The following RABEP1 variants were observed in gnomAD, a reference collection of about 807,000 sequenced individuals.
RABEP1 encodes the protein rab GTPase-binding effector protein 1.
In RABEP1, 51 loss-of-function variants were observed where a neutral mutation model predicts 123.4. That is an observed-to-expected ratio of 0.41 (90% confidence interval 0.33 to 0.52). RABEP1 has a LOEUF of 0.52. Ranked by LOEUF, RABEP1 falls within the 20% of genes least tolerant of loss-of-function variation. The pLI is 0.16. For synonymous variants in RABEP1, 347 were observed against 355.2 expected, an observed-to-expected ratio of 0.98 and a Z score of 0.26; for missense variants, 888 against 996.3, an observed-to-expected ratio of 0.89 and a Z score of 1.46.
In RABEP1 at chr17:5,289,419, CTT is replaced by C. The variant is rs74266330; in HGVS notation, c.34+6914_34+6915del. ...GCTTTAATTTTTATGTAGATCTGAC[CTT>C]TTTTTTTTTTTTTTAAATTTATGGT... On this transcript the variant is annotated intron_variant, in intron 1 of 17. Transcript: ENST00000537505. Among the ~76,000 whole-genome samples the C allele has an allele frequency of 4.2e-4, 56 of 132,596 alleles. No individual in the cohort carries two copies. The Middle Eastern group carries it at 0.02, about 48-fold the overall frequency. The allele number at this position is 132,596 out of a possible 152,430, so 87.0% of individuals were successfully genotyped here.
intron 1 of RABEP1, among the ~76,000 whole-genome samples, chr17:5,298,134 C>G (rs1412777453): frequency 6.6e-6 from 1 of 152,126 alleles, no homozygotes; most frequent in African/African-American, 2.4e-5. Flanking sequence ...GCCAACTTTC[C>G]TTGTAAATAA....
Position 5,338,111 on chromosome 17 carries a change from C to T in RABEP1, c.621C>T (p.Asp207=). The change falls in exon 5 of 18, where the codon GAC becomes GAT. Residue 207 remains aspartate (D), a synonymous_variant. Coordinates refer to ENST00000537505, the MANE Select transcript of RABEP1 (RefSeq NM_004703.6). ...ALKDKLTEAE[D]KIKELEASKV... is the part of the protein sequence containing the mutation. ...AGGATAAACTGACAGAGGCTGAAGACAAAATTAAAGAGCTGGAGGCCTCAA... is the reference window on the plus strand; with the variant it reads ...AGGATAAACTGACAGAGGCTGAAGATAAAATTAAAGAGCTGGAGGCCTCAA... 6.2e-7 allele frequency: 1 copy of T among 1,613,048 alleles called. No individual in the cohort carries two copies. Among genetic ancestry groups the T allele is most frequent in the Non-Finnish European group, 8.5e-7 (1 of 1,179,358 alleles).
chr17:5,365,314 C>G (rs1056718577), intron 11 of RABEP1, 76 bp downstream of exon 11: 1 of 1,022,496 alleles, frequency 9.8e-7, no homozygotes, highest in Non-Finnish European at 1.4e-6. Context: ...AAAATATAGT[C>G]ATGTTTTTTT....
At chr17:5,333,613 T>C (rs1567528796) in intron 3 of RABEP1, among the ~76,000 whole-genome samples, 1 of 152,212 alleles carries the variant, frequency 6.6e-6, no homozygotes, top group Non-Finnish European at 1.5e-5. Flanking sequence ...GAGATTACTC[T>C]AGGCTTCATA....
At position 5,378,215 on chromosome 17, in the gene RABEP1, A is replaced by G; in HGVS notation, c.2254A>G (p.Lys752Glu). Reference sequence around the variant, plus strand: ...CCTAAAAGCTGAATTAGAAAGAATAAAAGTGGAAAAAGGACAGGTAAGTCG... The same window carrying G: ...CCTAAAAGCTGAATTAGAAAGAATAGAAGTGGAAAAAGGACAGGTAAGTCG... ...SSLKAELERI[K>E]VEKGQLESTL... Residue 752 changes from lysine to glutamate, a missense_variant, in exon 15 of 18, where the codon AAA becomes GAA. Transcript: ENST00000537505. 2.5e-6 allele frequency: 4 copies of G among 1,593,992 alleles called. No individual in the cohort carries two copies. Among genetic ancestry groups the G allele is most frequent in the Non-Finnish European group, 3.4e-6 (4 of 1,161,770 alleles).
chr17:5,379,541 C>A (rs1911278316), intron 15 of RABEP1, among the ~76,000 whole-genome samples: 1 of 152,180 alleles, frequency 6.6e-6, no homozygotes, highest in South Asian at 2.1e-4. Context: ...TCCCAGGCAT[C>A]CCTCCACCTG....
chr17:5,344,271 C>T (rs1263898076), intron 5 of RABEP1, among the ~76,000 whole-genome samples: 1 of 151,984 alleles, frequency 6.6e-6, no homozygotes, highest in Non-Finnish European at 1.5e-5. Context: ...AACCCTGTCT[C>T]TACTAAAAAT....
Position 5,302,067 on chromosome 17 carries a change from GT to G in RABEP1, c.35-6624del, listed in dbSNP as rs528943326. Among the ~76,000 whole-genome samples the G allele has an allele frequency of 3.9e-3, 600 of 152,138 alleles. 2 individuals carry two copies. Among genetic ancestry groups the G allele is most frequent in the Non-Finnish European group, 6.0e-3 (405 of 68,006 alleles). On this transcript the variant is annotated intron_variant, in intron 1 of 17. Transcript: ENST00000537505. Reference sequence around the variant, plus strand: ...ATATTTTATGTGGAACTTTGACTAAGTTTAGTTTGAAGGGTGAGCAACTTGG... The same window carrying G: ...ATATTTTATGTGGAACTTTGACTAAGTTAGTTTGAAGGGTGAGCAACTTGG...
intron 1 of RABEP1, among the ~76,000 whole-genome samples, chr17:5,294,633 CTTTTTTTTT>C (rs1185209680): frequency 6.0e-4 from 32 of 53,026 alleles, no homozygotes; most frequent in Admixed American, 1.7e-3. Context: ...ACGGTATTGT[CTTTTTTTTT>C]TTTTTTTTTT....
At chr17:5,336,773 A>C (rs1170209484) in intron 4 of RABEP1, 1 of 177,654 alleles carries the variant, frequency 5.6e-6, no homozygotes, top group Non-Finnish European at 1.2e-5. Flanking sequence ...GCCTTGACTG[A>C]GATATTTTAA....
intron 8 of RABEP1, 100 bp downstream of exon 8, chr17:5,354,590 AG>A (rs1335001598): frequency 8.1e-6 from 9 of 1,106,096 alleles, no homozygotes; most frequent in Middle Eastern, 6.3e-4. Context: ...AGAAGTGAGA[AG>A]TGCATAGCTA....
chr17:5,382,246 T>C (rs1911534791), intron 17 of RABEP1, among the ~76,000 whole-genome samples: 1 of 151,714 alleles, frequency 6.6e-6, no homozygotes, highest in African/African-American at 2.4e-5. Context: ...CAAGCCCAGC[T>C]AATTTTTGTA....
intron 2 of RABEP1, among the ~76,000 whole-genome samples, chr17:5,330,699 A>G (rs547260734): frequency 6.6e-6 from 1 of 151,932 alleles, no homozygotes; most frequent in South Asian, 2.1e-4. Context: ...TTTTTTTTTC[A>G]TAAATACCTT....
intron 8 of RABEP1, among the ~76,000 whole-genome samples, chr17:5,359,336 A>T (rs192448236): frequency 7.2e-5 from 11 of 152,202 alleles, no homozygotes; most frequent in Non-Finnish European, 1.0e-4. Flanking sequence ...GGCCTCCCAA[A>T]GTGCTGGGAT....
At chr17:5,309,375 C>T (rs180969397) in intron 2 of RABEP1, among the ~76,000 whole-genome samples, 8 of 152,158 alleles carry the variant, frequency 5.3e-5, no homozygotes, top group East Asian at 1.9e-4. Flanking sequence ...GCAGGCTGGG[C>T]GCGGTGGCTC....
At chr17:5,305,637 C>T (rs940903999) in intron 1 of RABEP1, among the ~76,000 whole-genome samples, 5 of 152,074 alleles carry the variant, frequency 3.3e-5, no homozygotes, top group Admixed American at 6.6e-5. Context: ...TTTCTCTTTC[C>T]TTGATTCCCC....
At chr17:5,285,975 C>T (rs926953787) in intron 1 of RABEP1, among the ~76,000 whole-genome samples, 4 of 152,072 alleles carry the variant, frequency 2.6e-5, no homozygotes, top group Non-Finnish European at 5.9e-5. Flanking sequence ...TAATGGATGT[C>T]CTTGTGCATA....
At chr17:5,335,390 C>A in intron 4 of RABEP1, 46 bp downstream of exon 4, 3 of 1,480,594 alleles carry the variant, frequency 2.0e-6, no homozygotes, top group Admixed American at 1.9e-5. Flanking sequence ...AATTCAAATG[C>A]AAAATGCTTT....
At chr17:5,314,322 A>G (rs1278371564) in intron 2 of RABEP1, among the ~76,000 whole-genome samples, 1 of 125,786 alleles carries the variant, frequency 8.0e-6, no homozygotes, top group East Asian at 2.5e-4. Flanking sequence ...GGCTCACTGC[A>G]GCCTCCGCCT....
Sources: gnomAD v4.1 joint callset for allele counts (sites outside exome capture counted in the v4.1 genomes callset) on GRCh38, gnomAD v4.1.1 for gene constraint, MANE v1.5 for transcripts, NCBI Gene and HGNC (gene_info 2026-07-23, HGNC 2026-07-21) for gene names.